The following EFCAB6 variants were observed in gnomAD, a reference collection of about 807,000 sequenced individuals.
EFCAB6 encodes the protein EF-hand calcium binding domain 6, also known as EF-hand calcium-binding domain-containing protein 6.
EFCAB6 carries 156 observed loss-of-function variants against 169.8 expected under a neutral mutation model. The ratio of observed to expected loss-of-function variants is 0.92; its 90% CI spans 0.81 to 1.05. The LOEUF is 1.05. EFCAB6 is among the 50% of genes least tolerant of loss of function. The pLI is 0.00. For synonymous variants in EFCAB6, 698 were observed against 676.4 expected, an observed-to-expected ratio of 1.03 and a Z score of -0.50; for missense variants, 1,800 against 1,829.1, an observed-to-expected ratio of 0.98 and a Z score of 0.29.
At chr22:43,780,810 T>C (rs2061799054) in intron 3 of EFCAB6, among the ~76,000 whole-genome samples, 1 of 152,186 alleles carries the variant, frequency 6.6e-6, no homozygotes. Flanking sequence ...GTGGTTCAAG[T>C]CCTGCCAGTT....
intron 13 of EFCAB6, among the ~76,000 whole-genome samples, chr22:43,674,643 C>T (rs970776576): frequency 1.3e-5 from 2 of 152,234 alleles, no homozygotes; most frequent in African/African-American, 4.8e-5. Flanking sequence ...GATCACACCA[C>T]TTGCCACGTA....
intron 17 of EFCAB6, among the ~76,000 whole-genome samples, chr22:43,666,459 A>G (rs76851977): frequency 0.11 from 17,164 of 152,240 alleles, 1,056 homozygotes; most frequent in South Asian, 0.21. Flanking sequence ...GCCTTCTTCT[A>G]AATTTGTCCA....
At chr22:43,601,701 G>A (rs2052536284) in intron 22 of EFCAB6, among the ~76,000 whole-genome samples, 1 of 152,236 alleles carries the variant, frequency 6.6e-6, no homozygotes, top group Non-Finnish European at 1.5e-5. Context: ...TGTCCTCAAG[G>A]GGAAGGGGTG....
chr22:43,595,621 G>T (rs546343478), intron 23 of EFCAB6, among the ~76,000 whole-genome samples: 2 of 152,176 alleles, frequency 1.3e-5, no homozygotes, highest in South Asian at 4.1e-4. Flanking sequence ...TCCCATCAAA[G>T]AAAAGCCTAG....
chr22:43,722,303 G>T (rs542536756), intron 8 of EFCAB6, among the ~76,000 whole-genome samples: 1 of 152,136 alleles, frequency 6.6e-6, no homozygotes, highest in Non-Finnish European at 1.5e-5. Flanking sequence ...AAGGTGGGCA[G>T]ATCACGAGGT....
At chr22:43,690,464 C>T (rs1341624725) in intron 10 of EFCAB6, among the ~76,000 whole-genome samples, 1 of 150,324 alleles carries the variant, frequency 6.7e-6, no homozygotes, top group Admixed American at 6.6e-5. Context: ...TGCAGTGAGC[C>T]GAGATCATGC....
chr22:43,670,786 G>A lies in EFCAB6; in HGVS notation c.1640+1187C>T, dbSNP rs369082772. Among the ~76,000 whole-genome samples, 3 of 152,240 alleles carry A rather than the reference G, an allele frequency of 2.0e-5. No homozygotes were observed. The South Asian group carries it at 6.2e-4, about 31-fold the overall frequency. On this transcript the variant is annotated intron_variant, in intron 15 of 31. Coordinates refer to ENST00000262726, the MANE Select transcript of EFCAB6 (RefSeq NM_022785.4). Reference sequence around the variant, plus strand: ...TTCACTTGGAACAGAAGGAAAGATGGTCTGAAAGTCCAGGGGCAAGAGAGG... The same window carrying A: ...TTCACTTGGAACAGAAGGAAAGATGATCTGAAAGTCCAGGGGCAAGAGAGG...
At chr22:43,794,689 C>T (rs943773314) in intron 2 of EFCAB6, among the ~76,000 whole-genome samples, 1 of 152,168 alleles carries the variant, frequency 6.6e-6, no homozygotes, top group Non-Finnish European at 1.5e-5. Flanking sequence ...AGCAAGCCAT[C>T]TACATACAGT....
intron 10 of EFCAB6, among the ~76,000 whole-genome samples, chr22:43,706,879 C>T (rs573427564): frequency 6.6e-6 from 1 of 152,342 alleles, no homozygotes; most frequent in South Asian, 2.1e-4. Flanking sequence ...GACCTCCTTC[C>T]AGCCTGTGGA....
At chr22:43,604,944 A>C (rs2147584036) in intron 22 of EFCAB6, among the ~76,000 whole-genome samples, 1 of 152,170 alleles carries the variant, frequency 6.6e-6, no homozygotes, top group East Asian at 1.9e-4. Flanking sequence ...CCCTTTGGTG[A>C]GTTTTCAGAG....
At chr22:43,557,033 G>A (rs141326850) in intron 26 of EFCAB6, among the ~76,000 whole-genome samples, 5 of 152,212 alleles carry the variant, frequency 3.3e-5, no homozygotes, top group East Asian at 1.9e-4. Context: ...CCATCCTTAC[G>A]GTTTCAGAAC....
intron 17 of EFCAB6, among the ~76,000 whole-genome samples, chr22:43,649,488 CA>C (rs2056355272): frequency 6.6e-6 from 1 of 152,006 alleles, no homozygotes. Context: ...AAATAGATAA[CA>C]TGTTTAAAAA....
chr22:43,747,663 C>T (rs2060614286), intron 6 of EFCAB6, among the ~76,000 whole-genome samples: 1 of 152,160 alleles, frequency 6.6e-6, no homozygotes, highest in South Asian at 2.1e-4. Flanking sequence ...GGTGGGAGAA[C>T]ACCCACCCTG....
intron 23 of EFCAB6, among the ~76,000 whole-genome samples, chr22:43,596,423 C>A (rs1473011011): frequency 6.6e-6 from 1 of 151,826 alleles, no homozygotes; most frequent in South Asian, 2.1e-4. Flanking sequence ...AATCAATACA[C>A]AAAAATCAGT....
Position 43,576,347 on chromosome 22 carries a change from A to G in EFCAB6, c.3370T>C (p.Tyr1124His), listed in dbSNP as rs1221405691. ...LRKLRIHLTP[Y>H]INWKYFLQNF... ...TGGAGAAAATATTTCCAATTTATATAGGGGGTTAGATGAATTCTTAGTTTC... is the reference window on the plus strand; with the variant it reads ...TGGAGAAAATATTTCCAATTTATATGGGGGGTTAGATGAATTCTTAGTTTC... The change falls in exon 26 of 32, where the codon TAT becomes CAT. Residue 1124 changes from tyrosine to histidine, a missense_variant. Tyr to His is a moderately conservative substitution (Grantham distance 83). Coordinates refer to ENST00000262726, the MANE Select transcript of EFCAB6 (RefSeq NM_022785.4). 35 of 1,598,612 alleles carry G rather than the reference A, an allele frequency of 2.2e-5. No homozygotes were observed. The highest frequency in any genetic ancestry group is 4.3e-6 in the Non-Finnish European group (5 of 1,176,282).
At chr22:43,755,668 A>G in intron 6 of EFCAB6, 98 bp downstream of exon 6, 1 of 1,095,836 alleles carries the variant, frequency 9.1e-7, no homozygotes, top group Non-Finnish European at 1.3e-6. Context: ...AACTCGGATG[A>G]CAAGGTGTGG....
intron 26 of EFCAB6, among the ~76,000 whole-genome samples, chr22:43,560,374 T>G (rs2048955707): frequency 6.6e-6 from 1 of 152,136 alleles, no homozygotes; most frequent in Admixed American, 6.5e-5. Context: ...TATAGCTAGG[T>G]TCAGAAATAC....
chr22:43,629,379 C>G (rs1489637461), intron 19 of EFCAB6, among the ~76,000 whole-genome samples: 1 of 152,164 alleles, frequency 6.6e-6, no homozygotes, highest in Non-Finnish European at 1.5e-5. Context: ...CTCAGGGTAT[C>G]CAGCATAACA....
intron 27 of EFCAB6, chr22:43,554,658 G>C (rs778576282): frequency 7.7e-5 from 45 of 582,248 alleles, no homozygotes; most frequent in Admixed American, 1.5e-4. Context: ...AACAGTGACA[G>C]TATTTGTACC....
Sources: gnomAD v4.1 joint callset for allele counts (sites outside exome capture counted in the v4.1 genomes callset) on GRCh38, gnomAD v4.1.1 for gene constraint, MANE v1.5 for transcripts, NCBI Gene and HGNC (gene_info 2026-07-23, HGNC 2026-07-21) for gene names.